The following VAMP3 variants were observed in gnomAD, a reference collection of about 807,000 sequenced individuals.
VAMP3 encodes vesicle associated membrane protein 3.
Under a neutral mutation model 18.1 loss-of-function variants are expected in VAMP3, and 11 were observed. That is an observed-to-expected ratio of 0.61 (90% CI 0.38 to 1.00). VAMP3 has a LOEUF of 1.00. Ranked by LOEUF, VAMP3 falls within the 50% of genes least tolerant of loss-of-function variation. VAMP3 has a pLI of 0.01. For missense variants in VAMP3, 122 were observed against 127.3 expected, an observed-to-expected ratio of 0.96 and a Z score of 0.20; for synonymous variants, 49 against 43.1, an observed-to-expected ratio of 1.14 and a Z score of -0.53.
intron 3 of VAMP3, 150 bp downstream of exon 3, chr1:7,777,468 C>A: frequency 2.0e-6 from 2 of 1,013,604 alleles, no homozygotes; most frequent in Non-Finnish European, 2.8e-6. Flanking sequence ...ATCCGAAACA[C>A]TGACTGCATA....
At chr1:7,777,026 G>C (rs2097054584) in intron 2 of VAMP3, 134 bp from the exon 3 acceptor site, 10 of 956,462 alleles carry the variant, frequency 1.0e-5, no homozygotes, top group Non-Finnish European at 1.5e-5. Flanking sequence ...GGCCAGGTTG[G>C]TCTCGAACTC....
chr1:7,771,407 G>A, intron 1 of VAMP3, 22 bp downstream of exon 1: 1 of 1,561,916 alleles, frequency 6.4e-7, no homozygotes, highest in African/African-American at 1.4e-5. Context: ...TACGCGACGC[G>A]GGCGGCTTCG....
At chr1:7,775,457 C>T (rs2097053866) in intron 2 of VAMP3, among the ~76,000 whole-genome samples, 1 of 152,088 alleles carries the variant, frequency 6.6e-6, no homozygotes, top group Non-Finnish European at 1.5e-5. Flanking sequence ...AAGTGATTCT[C>T]CTGCCTCAGC....
chr1:7,773,291 TC>T, intron 1 of VAMP3, 150 bp from the exon 2 acceptor site: 1 of 624,798 alleles, frequency 1.6e-6, no homozygotes, highest in Admixed American at 3.4e-5. Flanking sequence ...ATTAAAACTT[TC>T]GTTCATTGCT....
At chr1:7,779,529 C>A in intron 4 of VAMP3, 97 bp from the exon 5 acceptor site, 1 of 1,532,850 alleles carries the variant, frequency 6.5e-7, no homozygotes, top group Non-Finnish European at 9.0e-7. Context: ...AATTTCTGAT[C>A]ACATTTAGAC....
chr1:7,777,951 G>T (rs1250864982), intron 3 of VAMP3, among the ~76,000 whole-genome samples, 167 bp from the exon 4 acceptor site: 2 of 152,148 alleles, frequency 1.3e-5, no homozygotes, highest in African/African-American at 4.8e-5. Context: ...GTTACCTTCA[G>T]GCCCTAATTG....
In VAMP3 at chr1:7,771,339, T is replaced by G. The variant is rs2097050312; in HGVS notation, c.-45T>G. ...GCCTCCGGTCCCAACTTCGCTTCTC[T>G]GCTGACCCTCTCTCGTCGCCGCTGC... On this transcript the variant is annotated 5_prime_UTR_variant, in exon 1 of 5. Transcript: ENST00000054666. The G allele has an allele frequency of 6.3e-7, 1 of 1,593,844 alleles. No individual in the cohort carries two copies.
At chr1:7,773,270 G>C in intron 1 of VAMP3, 172 bp from the exon 2 acceptor site, 1 of 592,142 alleles carries the variant, frequency 1.7e-6, no homozygotes, top group Non-Finnish European at 3.0e-6. Context: ...AGAGAAATTA[G>C]AAGAAATGCA....
chr1:7,778,001 C>T, intron 3 of VAMP3, 117 bp from the exon 4 acceptor site: 1 of 1,094,188 alleles, frequency 9.1e-7, no homozygotes, highest in Non-Finnish European at 1.4e-6. Context: ...TTAATTACTC[C>T]AGACTGTATG....
At chr1:7,775,219 T>C (rs1186863584) in intron 2 of VAMP3, among the ~76,000 whole-genome samples, 1 of 152,248 alleles carries the variant, frequency 6.6e-6, no homozygotes, top group African/African-American at 2.4e-5. Flanking sequence ...CATTTTTTAA[T>C]TGGGTTGTTT....
intron 4 of VAMP3, among the ~76,000 whole-genome samples, chr1:7,778,470 G>T (rs1477570625): frequency 6.6e-6 from 1 of 151,936 alleles, no homozygotes; most frequent in Non-Finnish European, 1.5e-5. Flanking sequence ...GGAATTCAAG[G>T]CTGCAGTGAG....
chr1:7,771,330 T>C lies in VAMP3; in HGVS notation c.-54T>C. 1 of 1,593,252 alleles carries C rather than the reference T, an allele frequency of 6.3e-7. No homozygotes were observed. The highest frequency in any genetic ancestry group is 8.5e-7 in the Non-Finnish European group (1 of 1,172,420). On this transcript the variant is annotated 5_prime_UTR_variant, in exon 1 of 5. Transcript: ENST00000054666. ...ATCTCCCTGGCCTCCGGTCCCAACTTCGCTTCTCTGCTGACCCTCTCTCGT... is the reference window on the plus strand; with the variant it reads ...ATCTCCCTGGCCTCCGGTCCCAACTCCGCTTCTCTGCTGACCCTCTCTCGT...
At chr1:7,773,577 G>T in intron 2 of VAMP3, 66 bp downstream of exon 2, 1 of 1,448,144 alleles carries the variant, frequency 6.9e-7, no homozygotes. Flanking sequence ...AATCTGTTTA[G>T]AAAAAGTATC....
rs753433372 is a variant in VAMP3 at position 7,771,360 on chromosome 1, G to A, written c.-24G>A. On this transcript the variant is annotated 5_prime_UTR_variant, in exon 1 of 5. Coordinates refer to ENST00000054666, the MANE Select transcript of VAMP3 (RefSeq NM_004781.4). ...TCTCTGCTGACCCTCTCTCGTCGCC[G>A]CTGCCGCCGCCGCAGCTGCCAAAAT... 5 of 1,591,330 alleles carry A rather than the reference G, an allele frequency of 3.1e-6. No homozygotes were observed. The South Asian group carries it at 4.5e-5, about 14-fold the overall frequency.
chr1:7,774,212 G>A (rs1391451300), intron 2 of VAMP3, among the ~76,000 whole-genome samples: 1 of 152,198 alleles, frequency 6.6e-6, no homozygotes, highest in African/African-American at 2.4e-5. Context: ...AGTTATGTCA[G>A]ATACTGTTGT....
intron 3 of VAMP3, 73 bp from the exon 4 acceptor site, chr1:7,778,045 A>G (rs188098171): frequency 1.9e-5 from 29 of 1,505,992 alleles, no homozygotes; most frequent in Non-Finnish European, 9.2e-7. Context: ...CTAGATGAAT[A>G]TTATATAATA....
rs1477057537 is a variant in VAMP3, at chr1:7,781,014, G to A, written c.*1369G>A. The A allele has an allele frequency of 6.5e-6, 1 of 152,812 alleles. No homozygotes were observed. The highest frequency in any genetic ancestry group is 1.5e-5 in the Non-Finnish European group (1 of 68,048). The allele number at this position is 152,812 out of a possible 1,614,324, so 9.5% of individuals were successfully genotyped here. On this transcript the variant is annotated 3_prime_UTR_variant, in exon 5 of 5. Coordinates refer to ENST00000054666, the MANE Select transcript of VAMP3 (RefSeq NM_004781.4). ...AGGCAAGGAGGCACTGAGGGAGAAA[G>A]ACACAGACTTTATCGCTCTGTGGCT...
intron 3 of VAMP3, among the ~76,000 whole-genome samples, chr1:7,777,903 G>A (rs1234263059): frequency 6.6e-6 from 1 of 152,156 alleles, no homozygotes; most frequent in Non-Finnish European, 1.5e-5. Context: ...CCTAGCTAGA[G>A]GCCACACATC....
intron 2 of VAMP3, among the ~76,000 whole-genome samples, chr1:7,774,833 T>C (rs1031811458): frequency 6.6e-6 from 1 of 152,264 alleles, no homozygotes; most frequent in Non-Finnish European, 1.5e-5. Flanking sequence ...GTTTCCACCT[T>C]TCAGCAATTA....
Sources: gnomAD v4.1 joint callset for allele counts (sites outside exome capture counted in the v4.1 genomes callset) on GRCh38, gnomAD v4.1.1 for gene constraint, MANE v1.5 for transcripts, NCBI Gene and HGNC (gene_info 2026-07-23, HGNC 2026-07-21) for gene names.